Variants in DPP10 observed in about 807,000 individuals in gnomAD.
The protein encoded by DPP10 is dipeptidyl peptidase like 10, also known as inactive dipeptidyl peptidase 10.
Under a neutral mutation model 120.9 loss-of-function variants are expected in DPP10, and 33 were observed. That is an observed-to-expected ratio of 0.27 (90% CI 0.21 to 0.37). The LOEUF is 0.37. Among genes scored for constraint, DPP10 ranks in the 10% least tolerant of loss-of-function variants. The pLI, the probability that DPP10 is intolerant of heterozygous loss-of-function variation, is 1.00. For synonymous variants in DPP10, 337 were observed against 326.1 expected, an observed-to-expected ratio of 1.03 and a Z score of -0.36; for missense variants, 816 against 942.8, an observed-to-expected ratio of 0.87 and a Z score of 1.76.
chr2:115,217,746 A>T (rs898364027), intron 1 of DPP10, among the ~76,000 whole-genome samples: 1 of 152,076 alleles, frequency 6.6e-6, no homozygotes, highest in Admixed American at 6.6e-5. Context: ...CTTTGCCCAA[A>T]TTATTTTGTC....
At position 115,209,477 on chromosome 2, in the gene DPP10, ACATCT is replaced by A. The variant is rs151145420; in HGVS notation, c.61-99759_61-99755del. On this transcript the variant is annotated intron_variant, in intron 1 of 25. Transcript: ENST00000410059. ...AATCTATAGCTAAGTGAAACATGAGACATCTCAGCATGTGAAACTGTAATAATCTC... is the reference window on the plus strand; with the variant it reads ...AATCTATAGCTAAGTGAAACATGAGACAGCATGTGAAACTGTAATAATCTC... Among the ~76,000 whole-genome samples the A allele has an allele frequency of 7.1e-3, 1,076 of 152,316 alleles. 17 individuals carry two copies. Among genetic ancestry groups the A allele is most frequent in the African/African-American group, 0.025 (1,030 of 41,566 alleles).
At chr2:114,900,145 T>C (rs892240956) in intron 1 of DPP10, among the ~76,000 whole-genome samples, 1 of 152,228 alleles carries the variant, frequency 6.6e-6, no homozygotes, top group Non-Finnish European at 1.5e-5. Context: ...AACATTTTTG[T>C]GATAGTCAAT....
At chr2:115,297,378 C>A in intron 1 of DPP10, 1 of 241,486 alleles carries the variant, frequency 4.1e-6, no homozygotes, top group Non-Finnish European at 8.9e-6. Flanking sequence ...AATGAATATT[C>A]CACATTAGGT....
rs527717569 is a variant in DPP10, at chr2:115,791,172, C to T, written c.1623C>T (p.Asp541=). 62 of 1,613,034 alleles carry T rather than the reference C, an allele frequency of 3.8e-5. No homozygotes were observed. Among genetic ancestry groups the T allele is most frequent in the Non-Finnish European group, 4.7e-5 (56 of 1,179,436 alleles). The change falls in exon 18 of 26, where the codon GAC becomes GAT. Residue 541 remains aspartate, a synonymous_variant. Transcript: ENST00000410059. ...GKPEIKILHI[D]DYELPLQLSL... is the part of the protein sequence containing the mutation. ...CAGAAATTAAAATCCTTCATATTGA[C>T]GACTATGGTAAAATTTTGTGCATGC...
At chr2:115,592,876 G>C (rs2082756811) in intron 5 of DPP10, among the ~76,000 whole-genome samples, 1 of 152,130 alleles carries the variant, frequency 6.6e-6, no homozygotes. Context: ...CCTTTGCAAG[G>C]CCACTTCTGT....
chr2:115,452,859 C>G (rs1386141752), intron 3 of DPP10, among the ~76,000 whole-genome samples: 1 of 151,840 alleles, frequency 6.6e-6, no homozygotes, highest in African/African-American at 2.4e-5. Context: ...AGGTCAGATT[C>G]TCCATATCAT....
intron 3 of DPP10, among the ~76,000 whole-genome samples, chr2:115,377,378 C>T (rs2065894409): frequency 6.6e-6 from 1 of 152,086 alleles, no homozygotes; most frequent in East Asian, 1.9e-4. Flanking sequence ...TCATGTCCTT[C>T]ACCCACTTTT....
chr2:115,523,945 A>G (rs1314653443), intron 4 of DPP10, among the ~76,000 whole-genome samples: 2 of 152,116 alleles, frequency 1.3e-5, no homozygotes, highest in East Asian at 3.9e-4. Context: ...TTGCCAGTGA[A>G]TGTTGTTATC....
intron 1 of DPP10, among the ~76,000 whole-genome samples, chr2:114,659,683 C>T (rs72953596): frequency 0.081 from 12,380 of 152,024 alleles, 1,734 homozygotes; most frequent in African/African-American, 0.28. Flanking sequence ...ATGTTGAAGC[C>T]CTAACCTCTG....
intron 1 of DPP10, among the ~76,000 whole-genome samples, chr2:114,475,803 G>A (rs1039056810): frequency 6.6e-6 from 1 of 152,188 alleles, no homozygotes; most frequent in Non-Finnish European, 1.5e-5. Context: ...GTAGACAAGT[G>A]GAGAGTAAGG....
At chr2:115,557,121 A>G (rs1223880095) in intron 5 of DPP10, among the ~76,000 whole-genome samples, 2 of 152,282 alleles carry the variant, frequency 1.3e-5, no homozygotes, top group East Asian at 3.9e-4. Flanking sequence ...GTTAGAAATT[A>G]AAATATAACC....
At chr2:115,499,766 A>G (rs2076588758) in intron 4 of DPP10, among the ~76,000 whole-genome samples, 162 bp downstream of exon 4, 1 of 152,070 alleles carries the variant, frequency 6.6e-6, no homozygotes, top group Non-Finnish European at 1.5e-5. Context: ...ATTGATAAAA[A>G]ATACCCTGTG....
chr2:115,827,578 T>C (rs1216384941), intron 21 of DPP10, among the ~76,000 whole-genome samples: 1 of 150,782 alleles, frequency 6.6e-6, no homozygotes, highest in Non-Finnish European at 1.5e-5. Flanking sequence ...CAGTTATTTT[T>C]ATTTTTATTT....
chr2:115,033,034 C>A (rs185601272), intron 1 of DPP10, among the ~76,000 whole-genome samples: 1 of 152,274 alleles, frequency 6.6e-6, no homozygotes, highest in African/African-American at 2.4e-5. Flanking sequence ...GCACTTCTCT[C>A]TTGAATATAA....
At chr2:114,918,545 T>C (rs1212142330) in intron 1 of DPP10, among the ~76,000 whole-genome samples, 1 of 152,138 alleles carries the variant, frequency 6.6e-6, no homozygotes, top group African/African-American at 2.4e-5. Context: ...GGAATCAACC[T>C]TGATGCCCAC....
At chr2:114,689,014 T>C (rs1233475973) in intron 1 of DPP10, among the ~76,000 whole-genome samples, 1 of 151,972 alleles carries the variant, frequency 6.6e-6, no homozygotes, top group Non-Finnish European at 1.5e-5. Flanking sequence ...ATTCATGTAT[T>C]TATTGCTCAG....
At chr2:115,070,393 T>A (rs1313756402) in intron 1 of DPP10, among the ~76,000 whole-genome samples, 1 of 152,190 alleles carries the variant, frequency 6.6e-6, no homozygotes, top group Non-Finnish European at 1.5e-5. Context: ...AGAACAAATA[T>A]ATGGCAGAGA....
chr2:114,467,480 C>T (rs973436108), intron 1 of DPP10, among the ~76,000 whole-genome samples: 2 of 152,010 alleles, frequency 1.3e-5, no homozygotes, highest in African/African-American at 2.4e-5. Flanking sequence ...GTGGATCAAA[C>T]AAAATAGATG....
intron 5 of DPP10, among the ~76,000 whole-genome samples, chr2:115,574,411 C>G (rs2081530016): frequency 6.6e-6 from 1 of 152,184 alleles, no homozygotes; most frequent in Non-Finnish European, 1.5e-5. Context: ...TTCTCCATGG[C>G]TTGGTTCTCT....
Sources: gnomAD v4.1 joint callset for allele counts (sites outside exome capture counted in the v4.1 genomes callset) on GRCh38, gnomAD v4.1.1 for gene constraint, MANE v1.5 for transcripts, NCBI Gene and HGNC (gene_info 2026-07-23, HGNC 2026-07-21) for gene names.